MTCL1: variants seen among roughly 807,000 people sequenced by gnomAD.
MTCL1 encodes the protein microtubule cross-linking factor 1.
MTCL1 carries 79 observed loss-of-function variants against 141.4 expected under a neutral mutation model. The ratio of observed to expected loss-of-function variants is 0.56; its 90% CI spans 0.47 to 0.67. The LOEUF is 0.67. MTCL1 is among the 30% of genes least tolerant of loss of function. The pLI is 0.00. For synonymous variants in MTCL1, 914 were observed against 875.8 expected (o/e 1.04, Z -0.77); for missense variants, 2,177 against 2,113.9 (o/e 1.03, Z -0.59).
At chr18:8,798,543 A>G (rs984389918) in intron 10 of MTCL1, among the ~76,000 whole-genome samples, 2 of 152,232 alleles carry the variant, frequency 1.3e-5, no homozygotes, top group Non-Finnish European at 2.9e-5. Flanking sequence ...TAGTAAGGGC[A>G]GATCAATGCT....
chr18:8,710,014 A>G (rs2096078011), intron 1 of MTCL1, among the ~76,000 whole-genome samples: 1 of 151,810 alleles, frequency 6.6e-6, no homozygotes, highest in Non-Finnish European at 1.5e-5. Flanking sequence ...TAGTTTTTGA[A>G]TTTTTAGTAG....
At chr18:8,797,956 T>G in intron 9 of MTCL1, 141 bp from the exon 9 acceptor site, 50 of 769,706 alleles carry the variant, frequency 6.5e-5, no homozygotes, top group Non-Finnish European at 8.4e-5. Context: ...ATGGCCAAAA[T>G]GAGCATTTTA....
At chr18:8,776,681 T>C (rs1337657138) in intron 4 of MTCL1, among the ~76,000 whole-genome samples, 1 of 152,150 alleles carries the variant, frequency 6.6e-6, no homozygotes, top group Non-Finnish European at 1.5e-5. Context: ...GCCCTTCTCT[T>C]CCTTCACACC....
At chr18:8,796,488 A>G in intron 9 of MTCL1, 26 bp downstream of exon 8, 1 of 1,610,720 alleles carries the variant, frequency 6.2e-7, no homozygotes, top group Non-Finnish European at 8.5e-7. Context: ...AATTCCTTTT[A>G]TTTGCATCTG....
chr18:8,822,349 C>T lies in MTCL1; in HGVS notation c.3188+851C>T, dbSNP rs558141948. On this transcript the variant is annotated intron_variant, in intron 14 of 16. Coordinates refer to ENST00000359865, the Ensembl canonical transcript of MTCL1. This position sits in a 1 kb window ranked among gnomAD's most constrained non-coding sequence, Gnocchi z 4.6. ...TCGCTCTGTCTCCCAGGCTGGAGTA[C>T]AGTGGCACAATCTTGGCTCACTGCA... Among the ~76,000 whole-genome samples, 24 of 152,324 alleles carry T rather than the reference C, an allele frequency of 1.6e-4. No individual in the cohort carries two copies. Among genetic ancestry groups the T allele is most frequent in the African/African-American group, 5.8e-4 (24 of 41,574 alleles).
intron 4 of MTCL1, among the ~76,000 whole-genome samples, chr18:8,760,287 A>C (rs954787925): frequency 6.6e-6 from 1 of 152,198 alleles, no homozygotes; most frequent in African/African-American, 2.4e-5. Flanking sequence ...GTGGTGGGCA[A>C]GTTACTTCTT....
intron 14 of MTCL1, 26 bp from the exon 14 acceptor site, chr18:8,824,673 G>A (rs1162135140): frequency 9.5e-6 from 15 of 1,581,758 alleles, no homozygotes; most frequent in Non-Finnish European, 1.3e-5. Flanking sequence ...GGCAGGTACT[G>A]ACACCCTCTT....
At chr18:8,817,674 G>A (rs948147319) in intron 12 of MTCL1, among the ~76,000 whole-genome samples, 1 of 152,186 alleles carries the variant, frequency 6.6e-6, no homozygotes, top group Non-Finnish European at 1.5e-5. Context: ...ATTCAAGGAG[G>A]TTTTAGAATT....
chr18:8,727,491 C>T (rs1029264682), intron 4 of MTCL1, among the ~76,000 whole-genome samples: 8 of 152,164 alleles, frequency 5.3e-5, no homozygotes, highest in East Asian at 1.9e-4. Flanking sequence ...CCATTCTGAC[C>T]GGTGTTTGAT....
intron 11 of MTCL1, among the ~76,000 whole-genome samples, chr18:8,808,005 CA>C (rs530719223): frequency 3.9e-3 from 452 of 114,532 alleles, no homozygotes; most frequent in African/African-American, 5.5e-3. Flanking sequence ...CTTGATGTGT[CA>C]AAAAAAAAAA....
At position 8,831,486 on chromosome 18, in the gene MTCL1, C is replaced by T. The variant is rs536994778; in HGVS notation, c.*19-121C>T. The stretch of plus-strand genomic sequence containing the variant: ...GAGCATAGAAAGTAGTTAATATTCA[C>T]GAGTTGCCTGTGGTGTATACTTCAT... On this transcript the variant is annotated intron_variant, in intron 16 of 16. Transcript: ENST00000359865. The T allele has an allele frequency of 1.0e-5, 15 of 1,453,112 alleles. No individual in the cohort carries two copies. In the South Asian group the frequency reaches 1.5e-4, roughly 14 times the overall value. 90.0% of individuals were successfully genotyped at this position (1,453,112 alleles called of 1,614,324 possible).
At chr18:8,775,408 T>TAAAA (rs780102071) in intron 4 of MTCL1, among the ~76,000 whole-genome samples, 2 of 92,966 alleles carry the variant, frequency 2.2e-5, no homozygotes, top group African/African-American at 4.1e-5. Flanking sequence ...TCGTCTCTAC[T>TAAAA]AAAAAAAAAA....
chr18:8,773,172 G>C (rs939751290), intron 4 of MTCL1, among the ~76,000 whole-genome samples: 6 of 152,190 alleles, frequency 3.9e-5, no homozygotes, highest in African/African-American at 1.2e-4. Context: ...CTTGTCCTTA[G>C]GGTATGTTCT....
At chr18:8,729,156 C>G (rs917498158) in intron 4 of MTCL1, among the ~76,000 whole-genome samples, 1 of 151,690 alleles carries the variant, frequency 6.6e-6, no homozygotes, top group South Asian at 2.1e-4. Flanking sequence ...GCAGTCCTCT[C>G]GCCTAAGCAC....
intron 10 of MTCL1, 122 bp from the exon 10 acceptor site, chr18:8,806,771 C>A: frequency 1.6e-5 from 13 of 823,738 alleles, no homozygotes; most frequent in East Asian, 9.3e-5. Flanking sequence ...CCACCCTGCA[C>A]CCACTGCCAA....
In MTCL1 at chr18:8,828,163, A is replaced by G. The variant is rs146028378; in HGVS notation, c.4723-745A>G. Among the ~76,000 whole-genome samples the G allele has an allele frequency of 5.3e-3, 802 of 152,298 alleles. 6 individuals carry two copies. Among genetic ancestry groups the G allele is most frequent in the South Asian group, 0.019 (92 of 4,812 alleles). On this transcript the variant is annotated intron_variant, in intron 15 of 16. Coordinates refer to ENST00000359865, the Ensembl canonical transcript of MTCL1. The surrounding 1 kb of genome is among the most constrained non-coding windows in gnomAD (Gnocchi z 5.2). ...CATGAATTATGCAGTAGTTCTCGGT[A>G]TGCGTTCCCAAATCCCCAGGACTAC...
At chr18:8,706,086 C>T in exon 1 of MTCL1, 2 of 1,204,128 alleles carry the variant, frequency 1.7e-6, no homozygotes, top group Non-Finnish European at 2.1e-6. Flanking sequence ...AGCCGCTGTC[C>T]CGGGCTGGGA....
chr18:8,736,741 C>T (rs1344863604), intron 4 of MTCL1, among the ~76,000 whole-genome samples: 2 of 150,854 alleles, frequency 1.3e-5, no homozygotes, highest in African/African-American at 4.9e-5. Flanking sequence ...GGGTTCATGC[C>T]ATTCTCCTGC....
chr18:8,760,208 G>A (rs1419972280), intron 4 of MTCL1, among the ~76,000 whole-genome samples: 3 of 152,162 alleles, frequency 2.0e-5, no homozygotes, highest in Non-Finnish European at 2.9e-5. Flanking sequence ...TCCCTTCTCC[G>A]AGATGCAGTG....
Sources: gnomAD v4.1 joint callset for allele counts (sites outside exome capture counted in the v4.1 genomes callset) on GRCh38, gnomAD v4.1.1 for gene constraint, Gnocchi (gnomAD v3.1) non-coding constraint, MANE v1.5 for transcripts, NCBI Gene and HGNC (gene_info 2026-07-23, HGNC 2026-07-21) for gene names.